TRMT11: variants seen among roughly 807,000 people sequenced by gnomAD.
TRMT11 encodes tRNA (guanine(10)-N(2))-methyltransferase TRMT11.
A neutral mutation model predicts 62.8 loss-of-function variants in TRMT11; 53 were observed. The observed-to-expected ratio is 0.84, with a 90% CI of 0.68 to 1.06. The LOEUF (loss-of-function observed/expected upper bound fraction) is 1.06. Ranked by LOEUF, TRMT11 falls within the 50% of genes least tolerant of loss-of-function variation. The probability of loss-of-function intolerance (pLI) is 0.00; values close to 1 mark genes in which losing one functional copy is unlikely to be tolerated. For missense variants in TRMT11, 556 were observed against 553.4 expected (o/e 1.00, Z -0.05); for synonymous variants, 188 against 190.3 (o/e 0.99, Z 0.10).
intron 16 of TRMT11, among the ~76,000 whole-genome samples, chr6:126,051,475 T>C (rs552928714): frequency 1.7e-4 from 26 of 152,274 alleles, no homozygotes; most frequent in South Asian, 8.3e-4. Context: ...ACCCTGGATT[T>C]TCACTAGGGA....
the TRMT11 span, among the ~76,000 whole-genome samples, chr6:126,260,071 T>C: frequency 1.3e-5 from 2 of 152,210 alleles, no homozygotes; most frequent in South Asian, 4.1e-4. Flanking sequence ...TTAAAGATTA[T>C]TGTTAGATAA....
the TRMT11 span, among the ~76,000 whole-genome samples, chr6:126,249,503 G>C: frequency 6.6e-6 from 1 of 152,066 alleles, no homozygotes; most frequent in Non-Finnish European, 1.5e-5. Flanking sequence ...TTAAACTATA[G>C]ACAAAGCAGA....
intron 1 of TRMT11, among the ~76,000 whole-genome samples, chr6:126,182,441 T>C (rs927036542): frequency 2.0e-5 from 3 of 152,222 alleles, no homozygotes; most frequent in Middle Eastern, 6.8e-3. Context: ...AGACCTGGTA[T>C]AGACTGCTTT....
chr6:126,027,160 C>T (rs1445317453), intron 12 of TRMT11, among the ~76,000 whole-genome samples: 1 of 152,088 alleles, frequency 6.6e-6, no homozygotes, highest in Non-Finnish European at 1.5e-5. Context: ...GTTGATGCTG[C>T]TATATGTGGT....
At chr6:126,223,481 T>C in the TRMT11 span, among the ~76,000 whole-genome samples, 1 of 149,116 alleles carries the variant, frequency 6.7e-6, no homozygotes, top group Non-Finnish European at 1.5e-5. Context: ...AGGCTGAATA[T>C]AGGCCCCTGA....
chr6:126,138,842 A>AT (rs1331706586), intron 21 of TRMT11, among the ~76,000 whole-genome samples: 1 of 151,960 alleles, frequency 6.6e-6, no homozygotes, highest in Non-Finnish European at 1.5e-5. Flanking sequence ...TGGACTGTTT[A>AT]TTTTTTTATA....
At chr6:126,107,861 A>T (rs560816151) in intron 17 of TRMT11, among the ~76,000 whole-genome samples, 2 of 152,322 alleles carry the variant, frequency 1.3e-5, no homozygotes, top group South Asian at 4.1e-4. Context: ...CGCGTGATTC[A>T]TATTAGAAGG....
At chr6:126,038,437 C>CAAAAAAAAAAA (rs72178194) in intron 12 of TRMT11, among the ~76,000 whole-genome samples, 9 of 129,200 alleles carry the variant, frequency 7.0e-5, no homozygotes, top group African/African-American at 2.6e-4. Flanking sequence ...TGCCCTGAGG[C>CAAAAAAAAAAA]AAAAAAAAAA....
intron 7 of TRMT11, among the ~76,000 whole-genome samples, chr6:126,003,036 C>T (rs1042173416): frequency 3.3e-5 from 5 of 151,946 alleles, no homozygotes; most frequent in Admixed American, 1.3e-4. Flanking sequence ...GTGTATGTAC[C>T]GTAATTTATT....
At chr6:126,094,117 C>A (rs1777314083) in intron 17 of TRMT11, among the ~76,000 whole-genome samples, 1 of 151,128 alleles carries the variant, frequency 6.6e-6, no homozygotes, top group South Asian at 2.1e-4. Flanking sequence ...ACACACACAC[C>A]CCAAACTTAG....
chr6:126,187,752 G>A (rs567727125), intron 1 of TRMT11, among the ~76,000 whole-genome samples: 5 of 151,844 alleles, frequency 3.3e-5, no homozygotes, highest in African/African-American at 9.7e-5. Flanking sequence ...AGACACTGAG[G>A]TGATGGGGTA....
At chr6:126,109,126 T>C (rs1777498083) in intron 17 of TRMT11, among the ~76,000 whole-genome samples, 1 of 152,170 alleles carries the variant, frequency 6.6e-6, no homozygotes, top group South Asian at 2.1e-4. Context: ...GTGTGTTTTC[T>C]AAGAAAAAGT....
At chr6:126,073,365 C>T (rs1776913910) in intron 17 of TRMT11, among the ~76,000 whole-genome samples, 1 of 152,188 alleles carries the variant, frequency 6.6e-6, no homozygotes, top group African/African-American at 2.4e-5. Flanking sequence ...ACTCTTTTCT[C>T]TTGGAAAATA....
At position 125,999,473 on chromosome 6, in the gene TRMT11, G is replaced by T; in HGVS notation, c.539G>T (p.Arg180Ile). The change falls in exon 7 of 13, where the codon AGA becomes ATA. Residue 180 changes from arginine (R) to isoleucine (I), a missense_variant. Coordinates refer to ENST00000334379, the MANE Select transcript of TRMT11 (RefSeq NM_001031712.3). ...CTGATTTAGATTGCAGATGGACAGA[G>T]AGAGCTTATTGAGTCATACAGTGTC... ...YFGRWIADGQ[R>I]ELIESYSVKK... 6.2e-7 allele frequency: 1 copy of T among 1,604,150 alleles called. No individual in the cohort carries two copies. The highest frequency in any genetic ancestry group is 1.1e-5 in the South Asian group (1 of 89,324).
the TRMT11 span, among the ~76,000 whole-genome samples, chr6:126,247,539 T>C: frequency 6.8e-6 from 1 of 147,000 alleles, no homozygotes; most frequent in Non-Finnish European, 1.5e-5. Context: ...AATATATAAA[T>C]ATATAAAAAT....
At chr6:126,180,993 A>C (rs1380765933) in intron 1 of TRMT11, among the ~76,000 whole-genome samples, 1 of 152,234 alleles carries the variant, frequency 6.6e-6, no homozygotes, top group Non-Finnish European at 1.5e-5. Context: ...ATAAGTATTT[A>C]CAAGAACACA....
chr6:126,075,300 T>C (rs970863632), intron 17 of TRMT11, among the ~76,000 whole-genome samples: 2 of 152,134 alleles, frequency 1.3e-5, no homozygotes, highest in African/African-American at 4.8e-5. Flanking sequence ...CTGCAGGGGC[T>C]GTGAAATGGC....
upstream of TRMT11, among the ~76,000 whole-genome samples, chr6:126,174,242 C>T (rs900052367): frequency 2.0e-5 from 3 of 152,074 alleles, no homozygotes; most frequent in Admixed American, 6.5e-5. Flanking sequence ...AACTCTAAAC[C>T]CAGAAGACTC....
chr6:126,262,313 A>C, the TRMT11 span, among the ~76,000 whole-genome samples: 2 of 152,206 alleles, frequency 1.3e-5, no homozygotes, highest in Non-Finnish European at 2.9e-5. Context: ...TCATGTGGGC[A>C]GGGCATTGAG....
Sources: gnomAD v4.1 joint callset for allele counts (sites outside exome capture counted in the v4.1 genomes callset) on GRCh38, gnomAD v4.1.1 for gene constraint, MANE v1.5 for transcripts, NCBI Gene and HGNC (gene_info 2026-07-23, HGNC 2026-07-21) for gene names.